The following NR6A1 variants were observed in gnomAD, a reference collection of about 807,000 sequenced individuals.
NR6A1 encodes the protein nuclear receptor subfamily 6 group A member 1.
A neutral mutation model predicts 59.1 loss-of-function variants in NR6A1; 7 were observed. The ratio of observed to expected loss-of-function variants is 0.12; its 90% confidence interval spans 0.07 to 0.22. The LOEUF is 0.22. Among genes scored for constraint, NR6A1 ranks in the 10% least tolerant of loss-of-function variants. The probability of loss-of-function intolerance (pLI) is 1.00; values close to 1 mark genes in which losing one functional copy is unlikely to be tolerated. For synonymous variants in NR6A1, 243 were observed against 236.1 expected (o/e 1.03, Z -0.27); for missense variants, 468 against 611.6 (o/e 0.77, Z 2.48).
intron 2 of NR6A1, among the ~76,000 whole-genome samples, chr9:124,657,629 G>T (rs960643911): frequency 6.6e-6 from 1 of 152,130 alleles, no homozygotes. Context: ...CAGAAAGATG[G>T]AAAATAAACC....
intron 7 of NR6A1, 138 bp downstream of exon 7, chr9:124,535,740 A>C: frequency 9.2e-7 from 1 of 1,083,528 alleles, no homozygotes; most frequent in Non-Finnish European, 1.3e-6. Flanking sequence ...TCACAAATCT[A>C]GTCAGTGGCA....
chr9:124,645,000 A>C (rs1291854073), intron 2 of NR6A1, among the ~76,000 whole-genome samples: 1 of 152,270 alleles, frequency 6.6e-6, no homozygotes, highest in Non-Finnish European at 1.5e-5. Context: ...ACATTTGCCA[A>C]AACACATTGA....
intron 2 of NR6A1, among the ~76,000 whole-genome samples, chr9:124,651,092 G>A (rs1837088701): frequency 1.3e-5 from 2 of 152,154 alleles, no homozygotes; most frequent in African/African-American, 4.8e-5. Context: ...GTCTCACTCT[G>A]CTGCCCACAC....
chr9:124,623,626 G>C (rs1011571911), intron 2 of NR6A1, among the ~76,000 whole-genome samples: 3 of 151,804 alleles, frequency 2.0e-5, no homozygotes, highest in African/African-American at 7.3e-5. Flanking sequence ...AAAGTGCTGG[G>C]ATTACAGGCA....
chr9:124,766,423 A>G (rs887858982), intron 1 of NR6A1, among the ~76,000 whole-genome samples: 24 of 152,374 alleles, frequency 1.6e-4, no homozygotes, highest in African/African-American at 5.3e-4. Context: ...ACCTTCTGTT[A>G]AAAACTGTTT....
intron 2 of NR6A1, among the ~76,000 whole-genome samples, chr9:124,630,434 A>T (rs1362946192): frequency 9.4e-5 from 14 of 148,802 alleles, no homozygotes; most frequent in Non-Finnish European, 2.1e-4. Flanking sequence ...ACGGGGTTTC[A>T]TTATATTGGT....
chr9:124,650,330 A>G (rs1245120868), intron 2 of NR6A1, among the ~76,000 whole-genome samples: 1 of 152,228 alleles, frequency 6.6e-6, no homozygotes, highest in Non-Finnish European at 1.5e-5. Flanking sequence ...TAAGCTGGGC[A>G]CCGAAAGACA....
At chr9:124,725,905 T>A (rs771256599) in intron 2 of NR6A1, among the ~76,000 whole-genome samples, 3 of 152,226 alleles carry the variant, frequency 2.0e-5, no homozygotes, top group Non-Finnish European at 4.4e-5. Context: ...ATGATCAAAG[T>A]ATAGTGTGTA....
intron 2 of NR6A1, among the ~76,000 whole-genome samples, chr9:124,565,304 G>A (rs1309941110): frequency 6.6e-6 from 1 of 152,078 alleles, no homozygotes; most frequent in Non-Finnish European, 1.5e-5. Flanking sequence ...GCACGCGCTT[G>A]TAGTCCCAGA....
chr9:124,595,602 T>C (rs1835249716), intron 2 of NR6A1: 3 of 396,272 alleles, frequency 7.6e-6, no homozygotes, highest in South Asian at 3.8e-5. Context: ...ACTTGCTACA[T>C]ACATGAAAAC....
intron 2 of NR6A1, among the ~76,000 whole-genome samples, chr9:124,644,962 A>C (rs1013625456): frequency 6.6e-6 from 1 of 152,258 alleles, no homozygotes; most frequent in Non-Finnish European, 1.5e-5. Context: ...CTAAACCTCC[A>C]CATAAAAATT....
intron 1 of NR6A1, among the ~76,000 whole-genome samples, chr9:124,734,094 G>A (rs1286464141): frequency 1.3e-5 from 2 of 152,168 alleles, no homozygotes; most frequent in African/African-American, 4.8e-5. Context: ...ACTTTCTTCT[G>A]TTTGCTTTCT....
intron 2 of NR6A1, among the ~76,000 whole-genome samples, chr9:124,691,866 T>C (rs755750690): frequency 1.3e-5 from 2 of 152,232 alleles, no homozygotes; most frequent in Non-Finnish European, 1.5e-5. Context: ...GCTATTATTA[T>C]AGGCAAACAA....
intron 2 of NR6A1, among the ~76,000 whole-genome samples, chr9:124,589,722 A>G (rs1014691337): frequency 3.3e-5 from 5 of 152,200 alleles, no homozygotes; most frequent in Non-Finnish European, 7.3e-5. Context: ...TATACCATAA[A>G]TAAATATATC....
At chr9:124,586,235 A>G (rs1834929484) in intron 2 of NR6A1, among the ~76,000 whole-genome samples, 1 of 152,226 alleles carries the variant, frequency 6.6e-6, no homozygotes, top group Admixed American at 6.5e-5. Flanking sequence ...AGGATTCACT[A>G]TTCTAGATGC....
At chr9:124,625,859 A>G (rs528683886) in intron 2 of NR6A1, among the ~76,000 whole-genome samples, 9 of 152,318 alleles carry the variant, frequency 5.9e-5, no homozygotes, top group Non-Finnish European at 1.0e-4. Context: ...CCCTCCTACA[A>G]GAGAGAACTC....
intron 2 of NR6A1, among the ~76,000 whole-genome samples, chr9:124,597,680 A>G (rs1260202664): frequency 6.6e-6 from 1 of 152,196 alleles, no homozygotes; most frequent in Non-Finnish European, 1.5e-5. Context: ...ACATAGCTTA[A>G]GGAGACAATT....
intron 2 of NR6A1, among the ~76,000 whole-genome samples, chr9:124,589,310 G>A (rs1039743651): frequency 4.6e-5 from 7 of 152,146 alleles, no homozygotes; most frequent in African/African-American, 1.7e-4. Flanking sequence ...GCCGGGCGCG[G>A]TGGCGGGCGC....
chr9:124,748,977 T>A (rs766911543), intron 1 of NR6A1, among the ~76,000 whole-genome samples: 1 of 149,380 alleles, frequency 6.7e-6, no homozygotes, highest in African/African-American at 2.5e-5. Context: ...AGTTACCTAT[T>A]ATTGGCCAGG....
Sources: gnomAD v4.1 joint callset for allele counts (sites outside exome capture counted in the v4.1 genomes callset) on GRCh38, gnomAD v4.1.1 for gene constraint, MANE v1.5 for transcripts, NCBI Gene and HGNC (gene_info 2026-07-23, HGNC 2026-07-21) for gene names.